The following RAB27B variants were observed in gnomAD, a reference collection of about 807,000 sequenced individuals.
The protein encoded by RAB27B is ras-related protein Rab-27B.
Under a neutral mutation model 24.6 loss-of-function variants are expected in RAB27B, and 15 were observed. The observed-to-expected ratio is 0.61, with a 90% confidence interval of 0.41 to 0.94. The LOEUF (loss-of-function observed/expected upper bound fraction) is 0.94. Among genes scored for constraint, RAB27B ranks in the 40% least tolerant of loss-of-function variants. The pLI, the probability that RAB27B is intolerant of heterozygous loss-of-function variation, is 0.00. For synonymous variants in RAB27B, 105 were observed against 92.5 expected, an observed-to-expected ratio of 1.14 and a Z score of -0.78; for missense variants, 261 against 266.8, an observed-to-expected ratio of 0.98 and a Z score of 0.15.
intron 2 of RAB27B, among the ~76,000 whole-genome samples, chr18:54,733,779 C>T (rs1909805066): frequency 6.6e-6 from 1 of 151,188 alleles, no homozygotes; most frequent in South Asian, 2.1e-4. Context: ...TGAGTTGCTG[C>T]CATACTTGAT....
intron 1 of RAB27B, among the ~76,000 whole-genome samples, chr18:54,843,836 A>C (rs1055911972): frequency 1.3e-5 from 2 of 152,232 alleles, no homozygotes; most frequent in African/African-American, 2.4e-5. Flanking sequence ...CCAAATAACA[A>C]GATCAAAACA....
upstream of RAB27B, among the ~76,000 whole-genome samples, chr18:54,827,769 T>C (rs1405655541): frequency 6.6e-6 from 1 of 152,226 alleles, no homozygotes; most frequent in Non-Finnish European, 1.5e-5. Flanking sequence ...TTACCTTTAC[T>C]ACCAGTCTGT....
intron 2 of RAB27B, among the ~76,000 whole-genome samples, chr18:54,726,502 T>C (rs187330291): frequency 1.3e-5 from 2 of 151,714 alleles, no homozygotes; most frequent in East Asian, 3.9e-4. Context: ...CTGTTCTTCC[T>C]GTTCGCTAAC....
chr18:54,737,426 GCAGAGTT>G (rs1909929493), intron 2 of RAB27B, among the ~76,000 whole-genome samples: 1 of 150,928 alleles, frequency 6.6e-6, no homozygotes, highest in Non-Finnish European at 1.5e-5. Flanking sequence ...AAATTTGATT[GCAGAGTT>G]TTATATTAGC....
At chr18:54,779,270 C>A (rs1461197465) in intron 2 of RAB27B, among the ~76,000 whole-genome samples, 1 of 152,202 alleles carries the variant, frequency 6.6e-6, no homozygotes, top group Non-Finnish European at 1.5e-5. Context: ...ATATAAGAAT[C>A]AACCAGAGAG....
At chr18:54,744,075 T>C (rs1192229750) in intron 2 of RAB27B, among the ~76,000 whole-genome samples, 1 of 152,202 alleles carries the variant, frequency 6.6e-6, no homozygotes, top group Non-Finnish European at 1.5e-5. Flanking sequence ...ACCATTGTAC[T>C]AACTTATTAA....
intron 2 of RAB27B, among the ~76,000 whole-genome samples, chr18:54,762,921 G>T (rs145488105): frequency 1.3e-5 from 2 of 152,172 alleles, no homozygotes; most frequent in East Asian, 3.9e-4. Context: ...GGTTCAGTGT[G>T]TGTCACAATG....
At chr18:54,785,999 C>T (rs1909072172) in intron 2 of RAB27B, among the ~76,000 whole-genome samples, 1 of 152,190 alleles carries the variant, frequency 6.6e-6, no homozygotes, top group Non-Finnish European at 1.5e-5. Flanking sequence ...CTTTCCAAAA[C>T]CACATTCTCT....
rs537935191 is a variant in RAB27B, at chr18:54,879,354, C to A, written c.154-15C>A. ...ATCCAAAGCAACCTCAACTAATGAA[C>A]GTTGTATCTTTCAGGTTTATAATGC... On this transcript the variant is annotated splice_polypyrimidine_tract_variant and intron_variant, in intron 2 of 5. Transcript: ENST00000262094. The A allele has an allele frequency of 2.5e-6, 4 of 1,593,490 alleles. No individual in the cohort carries two copies. Among genetic ancestry groups the A allele is most frequent in the Non-Finnish European group, 3.4e-6 (4 of 1,161,502 alleles).
intron 1 of RAB27B, among the ~76,000 whole-genome samples, 185 bp downstream of exon 1, chr18:54,828,885 C>G (rs995864529): frequency 1.3e-5 from 2 of 152,174 alleles, no homozygotes; most frequent in Non-Finnish European, 2.9e-5. Context: ...GTGCTGTGTG[C>G]TGCACGGATG....
intron 1 of RAB27B, among the ~76,000 whole-genome samples, chr18:54,872,635 A>G (rs533839797): frequency 6.6e-5 from 10 of 150,922 alleles, no homozygotes; most frequent in African/African-American, 2.2e-4. Context: ...TAAAAAAAAA[A>G]AAAAAGAAAA....
chr18:54,812,317 G>A (rs1344110440), intron 2 of RAB27B, among the ~76,000 whole-genome samples: 3 of 152,108 alleles, frequency 2.0e-5, no homozygotes, highest in Admixed American at 2.0e-4. Flanking sequence ...TTCCTCATCT[G>A]TAGAATGAGT....
chr18:54,895,036 A>G lies in RAB27B; in HGVS notation c.*5623A>G, dbSNP rs1247489354. 6.6e-6 allele frequency: 1 copy of G among 152,102 alleles called. No individual in the cohort carries two copies. Among genetic ancestry groups the G allele is most frequent in the Non-Finnish European group, 1.5e-5 (1 of 67,974 alleles). 9.4% of individuals were successfully genotyped at this position (152,102 alleles called of 1,614,324 possible). A position where few individuals can be genotyped will look rare whatever the true frequency, so the allele number is the denominator to read the frequency against. On this transcript the variant is annotated 3_prime_UTR_variant, in exon 6 of 6. Transcript: ENST00000262094. ...ACAAGTTGGTCAAAATATTCCATGT[A>G]CAAATAGGGCTTCTGTGTCCATAGC...
At chr18:54,780,036 A>T (rs796561341) in intron 2 of RAB27B, among the ~76,000 whole-genome samples, 1 of 40,744 alleles carries the variant, frequency 2.5e-5, no homozygotes, top group East Asian at 9.8e-4. Context: ...CTGCTTCCCC[A>T]TCACCGTGTC....
rs571025019 is a variant in RAB27B at position 54,845,676 on chromosome 18, G to C, written c.-20+16976G>C. 4.3e-4 allele frequency among the ~76,000 whole-genome samples: 66 copies of C among 152,192 alleles called. 1 individual carries two copies. Among genetic ancestry groups the C allele is most frequent in the Middle Eastern group, 3.4e-3 (1 of 294 alleles). ...TCTAGCCTTTTGCATATTGCTACAA[G>C]GTTATCCAAGTGTACTTTTCACCAG... On this transcript the variant is annotated intron_variant, in intron 1 of 5. Coordinates refer to ENST00000262094, the MANE Select transcript of RAB27B (RefSeq NM_004163.4).
chr18:54,809,475 G>A (rs1909896067), intron 2 of RAB27B, among the ~76,000 whole-genome samples: 1 of 152,170 alleles, frequency 6.6e-6, no homozygotes, highest in African/African-American at 2.4e-5. Flanking sequence ...CCTGCGAGGT[G>A]AATCCTGGAA....
chr18:54,755,445 T>C (rs1278782028), intron 2 of RAB27B, among the ~76,000 whole-genome samples: 1 of 152,110 alleles, frequency 6.6e-6, no homozygotes, highest in East Asian at 1.9e-4. Context: ...AAGGGTTTTG[T>C]ATTAAAAAAT....
intron 1 of RAB27B, among the ~76,000 whole-genome samples, chr18:54,871,382 T>A (rs1912458673): frequency 6.6e-6 from 1 of 152,212 alleles, no homozygotes; most frequent in Admixed American, 6.5e-5. Flanking sequence ...GAGGCTATCA[T>A]TCAGACAGTG....
intron 2 of RAB27B, among the ~76,000 whole-genome samples, chr18:54,776,845 G>A (rs2145081911): frequency 6.6e-6 from 1 of 152,250 alleles, no homozygotes; most frequent in East Asian, 1.9e-4. Flanking sequence ...AATCACTTGA[G>A]AATAGCCTGG....
Sources: allele counts gnomAD v4.1 joint callset (sites outside exome capture counted in the v4.1 genomes callset), GRCh38; gene constraint gnomAD v4.1.1; transcripts MANE v1.5; gene names NCBI Gene and HGNC (gene_info 2026-07-23, HGNC 2026-07-21).